Variants in PLXDC2 observed in about 807,000 individuals in gnomAD.
PLXDC2 encodes plexin domain-containing protein 2.
PLXDC2 carries 40 observed loss-of-function variants against 68.9 expected under a neutral mutation model. The ratio of observed to expected loss-of-function variants is 0.58; its 90% CI spans 0.45 to 0.76. The LOEUF (loss-of-function observed/expected upper bound fraction) is 0.76, where lower values mean the gene tolerates loss of function less well. Ranked by LOEUF, PLXDC2 falls within the 30% of genes least tolerant of loss-of-function variation. The probability of loss-of-function intolerance (pLI) is 0.00; values close to 1 mark genes in which losing one functional copy is unlikely to be tolerated. For missense variants in PLXDC2, 644 were observed against 661.9 expected, an observed-to-expected ratio of 0.97 and a Z score of 0.30; for synonymous variants, 243 against 234.2, an observed-to-expected ratio of 1.04 and a Z score of -0.34.
chr10:20,283,966 A>T lies in PLXDC2; in HGVS notation c.*4147A>T, dbSNP rs965303202. On this transcript the variant is annotated 3_prime_UTR_variant, in exon 14 of 14. Coordinates refer to ENST00000377252, the MANE Select transcript of PLXDC2 (RefSeq NM_032812.9). ...ATCATTTATCAGTTTTTCGCAACAGATTCTTATGTTACATCTTCATGAGGG... is the reference window on the plus strand; with the variant it reads ...ATCATTTATCAGTTTTTCGCAACAGTTTCTTATGTTACATCTTCATGAGGG... 1.3e-5 allele frequency: 2 copies of T among 152,112 alleles called. No homozygotes were observed. The highest frequency in any genetic ancestry group is 6.5e-5 in the Admixed American group (1 of 15,268). 9.4% of individuals were successfully genotyped at this position (152,112 alleles called of 1,614,324 possible). A position where few individuals can be genotyped will look rare whatever the true frequency, so the allele number is the denominator to read the frequency against.
chr10:19,873,058 C>T (rs142181790), intron 1 of PLXDC2, among the ~76,000 whole-genome samples: 69 of 152,240 alleles, frequency 4.5e-4, no homozygotes, highest in African/African-American at 1.4e-3. Context: ...GCAAAACGGT[C>T]GGTACAGGTT....
At chr10:19,847,128 G>A (rs752362208) in intron 1 of PLXDC2, among the ~76,000 whole-genome samples, 3 of 152,176 alleles carry the variant, frequency 2.0e-5, no homozygotes, top group Non-Finnish European at 4.4e-5. Context: ...AGGGGACACA[G>A]AGTCAAACCA....
chr10:20,084,262 T>C (rs1277684432), intron 4 of PLXDC2, among the ~76,000 whole-genome samples: 2 of 152,220 alleles, frequency 1.3e-5, no homozygotes, highest in Non-Finnish European at 2.9e-5. Context: ...ACTTTGGGCT[T>C]TAAGCTGAGC....
intron 1 of PLXDC2, among the ~76,000 whole-genome samples, chr10:19,931,277 A>C (rs1028958803): frequency 1.3e-5 from 2 of 152,324 alleles, no homozygotes; most frequent in Admixed American, 6.5e-5. Flanking sequence ...TTCAGCTTCC[A>C]GTGTGCACTC....
intron 1 of PLXDC2, among the ~76,000 whole-genome samples, chr10:19,898,125 G>A (rs1461398311): frequency 6.6e-6 from 1 of 152,048 alleles, no homozygotes; most frequent in Admixed American, 6.6e-5. Flanking sequence ...GCTTAACCTT[G>A]AATCATTCGC....
At chr10:20,241,185 AAAT>A (rs1835510947) in intron 12 of PLXDC2, among the ~76,000 whole-genome samples, 1 of 152,256 alleles carries the variant, frequency 6.6e-6, no homozygotes, top group Non-Finnish European at 1.5e-5. Context: ...AAGTATGAAT[AAAT>A]AATAATTGGG....
At chr10:19,927,608 A>G (rs1424493191) in intron 1 of PLXDC2, among the ~76,000 whole-genome samples, 3 of 149,152 alleles carry the variant, frequency 2.0e-5, no homozygotes, top group African/African-American at 7.4e-5. Context: ...AGGCTGAGGC[A>G]GGAGAATCGC....
intron 1 of PLXDC2, among the ~76,000 whole-genome samples, chr10:19,986,826 A>G (rs1028601377): frequency 1.3e-5 from 2 of 152,202 alleles, no homozygotes; most frequent in South Asian, 2.1e-4. Flanking sequence ...TCTGTGTAGA[A>G]TGGGAACATG....
intron 4 of PLXDC2, among the ~76,000 whole-genome samples, chr10:20,125,264 C>A (rs915608613): frequency 5.3e-5 from 8 of 151,744 alleles, no homozygotes; most frequent in Middle Eastern, 3.2e-3. Context: ...GAGATCTTGA[C>A]TTAACTTACT....
chr10:20,208,829 A>G (rs1316644712), intron 9 of PLXDC2, among the ~76,000 whole-genome samples: 2 of 152,094 alleles, frequency 1.3e-5, no homozygotes, highest in Non-Finnish European at 2.9e-5. Flanking sequence ...AGAGTACAAA[A>G]GGAGAAATTT....
intron 6 of PLXDC2, among the ~76,000 whole-genome samples, chr10:20,152,029 T>G (rs1183829087): frequency 6.6e-6 from 1 of 152,120 alleles, no homozygotes; most frequent in Non-Finnish European, 1.5e-5. Context: ...TTTAGTTAAG[T>G]AAATTTCATT....
chr10:19,852,984 G>T (rs1837150040), intron 1 of PLXDC2, among the ~76,000 whole-genome samples: 1 of 152,112 alleles, frequency 6.6e-6, no homozygotes. Context: ...TACTAATTTT[G>T]CAGACACAAA....
chr10:20,097,746 T>A (rs1425515425), intron 4 of PLXDC2, among the ~76,000 whole-genome samples: 2 of 152,080 alleles, frequency 1.3e-5, no homozygotes, highest in African/African-American at 2.4e-5. Context: ...CGGGAAGATA[T>A]GTTCAAATGT....
chr10:20,186,607 C>G (rs61854619), intron 9 of PLXDC2, among the ~76,000 whole-genome samples: 1 of 151,734 alleles, frequency 6.6e-6, no homozygotes, highest in African/African-American at 2.4e-5. Context: ...TGTTGTTCCC[C>G]TCTTTGTGTT....
chr10:20,044,643 T>A (rs1247358507), intron 2 of PLXDC2, among the ~76,000 whole-genome samples: 12 of 152,094 alleles, frequency 7.9e-5, no homozygotes. Context: ...GTTTGCCTCA[T>A]CTTCAGACAG....
At chr10:20,234,934 G>A (rs1835414158) in intron 12 of PLXDC2, among the ~76,000 whole-genome samples, 1 of 152,116 alleles carries the variant, frequency 6.6e-6, no homozygotes, top group Non-Finnish European at 1.5e-5. Context: ...TTAACGTTAT[G>A]CATAAATTCA....
chr10:20,001,905 C>T lies in PLXDC2; in HGVS notation c.243C>T (p.Ser81=), dbSNP rs1171229004. ...FLKAVDTNRA[S]VGQDSPEPRS... is the part of the protein sequence containing the mutation. ...AGGCGGTAGACACGAACCGAGCAAG[C>T]GTCGGCCAAGACTCTCCTGAGCCCA... Residue 81 remains serine, a synonymous_variant, in exon 2 of 14, where the codon AGC becomes AGT. Coordinates refer to ENST00000377252, the MANE Select transcript of PLXDC2 (RefSeq NM_032812.9). 1.9e-6 allele frequency: 3 copies of T among 1,613,490 alleles called. No individual in the cohort carries two copies. Among genetic ancestry groups the T allele is most frequent in the Admixed American group, 1.7e-5 (1 of 59,956 alleles).
In PLXDC2 at chr10:19,883,605, T is replaced by C. The variant is rs1424163539; in HGVS notation, c.112+66414T>C. Among the ~76,000 whole-genome samples, 7 of 152,218 alleles carry C rather than the reference T, an allele frequency of 4.6e-5. No individual in the cohort carries two copies. In the East Asian group the frequency reaches 1.2e-3, roughly 25 times the overall value. On this transcript the variant is annotated intron_variant, in intron 1 of 13. Coordinates refer to ENST00000377252, the MANE Select transcript of PLXDC2 (RefSeq NM_032812.9). ...TGAGAACTTACGTCCCCTTTTCTTT[T>C]CTAGAATGTTGAAATAGTTTGAATA...
intron 3 of PLXDC2, among the ~76,000 whole-genome samples, chr10:20,058,510 T>C (rs1344009253): frequency 1.3e-5 from 2 of 152,216 alleles, no homozygotes; most frequent in South Asian, 2.1e-4. Flanking sequence ...ATTTATACAA[T>C]GCTTAAAGCA....
Sources: allele counts gnomAD v4.1 joint callset (sites outside exome capture counted in the v4.1 genomes callset), GRCh38; gene constraint gnomAD v4.1.1; transcripts MANE v1.5; gene names NCBI Gene and HGNC (gene_info 2026-07-23, HGNC 2026-07-21).